PPARGC1A: variants seen among roughly 807,000 people sequenced by gnomAD.
PPARGC1A encodes the protein PPARG coactivator 1 alpha.
A neutral mutation model predicts 88.7 loss-of-function variants in PPARGC1A; 25 were observed. That is an observed-to-expected ratio of 0.28 (90% CI 0.21 to 0.39). PPARGC1A has a LOEUF of 0.39. Among genes scored for constraint, PPARGC1A ranks in the 10% least tolerant of loss-of-function variants. The pLI, the probability that PPARGC1A is intolerant of heterozygous loss-of-function variation, is 1.00. For synonymous variants in PPARGC1A, 363 were observed against 355.6 expected, an observed-to-expected ratio of 1.02 and a Z score of -0.24; for missense variants, 880 against 968.7, an observed-to-expected ratio of 0.91 and a Z score of 1.22.
chr4:24,052,245 G>A, the PPARGC1A span, among the ~76,000 whole-genome samples: 6 of 152,124 alleles, frequency 3.9e-5, no homozygotes, highest in Admixed American at 1.3e-4. Context: ...ATGAATACAC[G>A]TAAGAATGAA....
the PPARGC1A span, among the ~76,000 whole-genome samples, chr4:24,388,160 A>G: frequency 6.6e-6 from 1 of 152,086 alleles, no homozygotes; most frequent in East Asian, 1.9e-4. Context: ...AAAACATCAA[A>G]AAGTGGGCAA....
At chr4:23,897,546 A>T (rs1239435636) in intron 1 of PPARGC1A, among the ~76,000 whole-genome samples, 3 of 152,200 alleles carry the variant, frequency 2.0e-5, no homozygotes, top group Non-Finnish European at 4.4e-5. Flanking sequence ...CTTGACAGAG[A>T]CAGACAACTC....
chr4:24,161,452 G>A, the PPARGC1A span, among the ~76,000 whole-genome samples: 1 of 152,082 alleles, frequency 6.6e-6, no homozygotes, highest in East Asian at 1.9e-4. Flanking sequence ...TATGGGATGT[G>A]GGGCTGTGTG....
chr4:24,113,731 T>G, the PPARGC1A span, among the ~76,000 whole-genome samples: 1 of 152,116 alleles, frequency 6.6e-6, no homozygotes, highest in Non-Finnish European at 1.5e-5. Flanking sequence ...CTTTTCCCTG[T>G]CTGCTTGTAA....
At chr4:24,023,366 AG>A in the PPARGC1A span, among the ~76,000 whole-genome samples, 3 of 152,196 alleles carry the variant, frequency 2.0e-5, no homozygotes, top group African/African-American at 7.2e-5. Flanking sequence ...CTAAGTTAAC[AG>A]AAAATAGACA....
the PPARGC1A span, among the ~76,000 whole-genome samples, chr4:24,109,005 C>T: frequency 2.0e-5 from 3 of 149,628 alleles, no homozygotes; most frequent in South Asian, 2.2e-4. Context: ...ATCACACACA[C>T]ACACACACAC....
intron 10 of PPARGC1A, among the ~76,000 whole-genome samples, chr4:23,808,250 C>CAAA (rs527466137): frequency 0.022 from 2,080 of 93,738 alleles, 67 homozygotes; most frequent in African/African-American, 0.079. Context: ...GACTCCATCT[C>CAAA]AAAAAAAAAA....
At chr4:24,327,182 G>C in the PPARGC1A span, among the ~76,000 whole-genome samples, 2 of 152,298 alleles carry the variant, frequency 1.3e-5, no homozygotes, top group South Asian at 2.1e-4. Flanking sequence ...CAGCCCATTT[G>C]AGCTCCTGTA....
At chr4:24,100,019 G>GT in the PPARGC1A span, among the ~76,000 whole-genome samples, 1 of 151,560 alleles carries the variant, frequency 6.6e-6, no homozygotes. Flanking sequence ...TATACCTAAT[G>GT]TAAATGATGA....
At chr4:24,016,596 G>A in the PPARGC1A span, among the ~76,000 whole-genome samples, 1 of 152,114 alleles carries the variant, frequency 6.6e-6, no homozygotes, top group Non-Finnish European at 1.5e-5. Context: ...GGAAAATTGA[G>A]ACATGATACC....
chr4:24,353,435 T>C, the PPARGC1A span, among the ~76,000 whole-genome samples: 12 of 152,124 alleles, frequency 7.9e-5, no homozygotes, highest in South Asian at 2.1e-3. Flanking sequence ...TCATCAATGT[T>C]TTATCAACTG....
chr4:24,108,359 A>G, the PPARGC1A span, among the ~76,000 whole-genome samples: 1 of 152,148 alleles, frequency 6.6e-6, no homozygotes, highest in Non-Finnish European at 1.5e-5. Context: ...TCTATTGATT[A>G]AAAAATAATT....
the PPARGC1A span, among the ~76,000 whole-genome samples, chr4:23,949,493 G>C: frequency 1.3e-5 from 2 of 152,252 alleles, no homozygotes; most frequent in Non-Finnish European, 2.9e-5. Context: ...CATTAATCGA[G>C]AGAAGGAACA....
chr4:24,304,324 T>C, the PPARGC1A span, among the ~76,000 whole-genome samples: 1 of 152,322 alleles, frequency 6.6e-6, no homozygotes, highest in South Asian at 2.1e-4. Context: ...AGAGACTTAT[T>C]ATAACTTATT....
At chr4:24,439,009 C>T in the PPARGC1A span, among the ~76,000 whole-genome samples, 6 of 151,774 alleles carry the variant, frequency 4.0e-5, no homozygotes, top group Non-Finnish European at 5.9e-5. Context: ...ATAACACAAA[C>T]GAAAAGGAAC....
At chr4:23,960,153 C>T in the PPARGC1A span, among the ~76,000 whole-genome samples, 12 of 152,258 alleles carry the variant, frequency 7.9e-5, no homozygotes, top group East Asian at 3.9e-4. Flanking sequence ...TCAGCCTCTA[C>T]TTTAGATAGG....
chr4:24,038,463 T>C, the PPARGC1A span, among the ~76,000 whole-genome samples: 28 of 152,198 alleles, frequency 1.8e-4, no homozygotes, highest in Non-Finnish European at 3.2e-4. Flanking sequence ...CTGATATTTA[T>C]ATTTCAGGGA....
At chr4:24,135,268 T>C in the PPARGC1A span, among the ~76,000 whole-genome samples, 1 of 152,144 alleles carries the variant, frequency 6.6e-6, no homozygotes, top group Admixed American at 6.5e-5. Flanking sequence ...GCTTCAGGCA[T>C]AGTTGTAGGA....
the PPARGC1A span, among the ~76,000 whole-genome samples, chr4:24,223,296 C>A: frequency 7.0e-6 from 1 of 142,468 alleles, no homozygotes; most frequent in South Asian, 2.2e-4. Flanking sequence ...GTGGCCCAGG[C>A]TGGAGTGCAG....
Sources: allele counts gnomAD v4.1 joint callset (sites outside exome capture counted in the v4.1 genomes callset), GRCh38; gene constraint gnomAD v4.1.1; transcripts MANE v1.5; gene names NCBI Gene and HGNC (gene_info 2026-07-23, HGNC 2026-07-21).